TBC1D9: variants seen among roughly 807,000 people sequenced by gnomAD.
The protein encoded by TBC1D9 is TBC1 domain family member 9A.
Under a neutral mutation model 132.0 loss-of-function variants are expected in TBC1D9, and 63 were observed. The observed-to-expected ratio is 0.48, with a 90% CI of 0.39 to 0.59. The LOEUF is 0.59. Among genes scored for constraint, TBC1D9 ranks in the 20% least tolerant of loss-of-function variants. The pLI is 0.00. For synonymous variants in TBC1D9, 610 were observed against 609.9 expected (o/e 1.00, Z 0.00); for missense variants, 1,261 against 1,592.7 (o/e 0.79, Z 3.54).
At chr4:140,663,017 C>T (rs1578830464) in intron 9 of TBC1D9, among the ~76,000 whole-genome samples, 1 of 152,084 alleles carries the variant, frequency 6.6e-6, no homozygotes, top group South Asian at 2.1e-4. Flanking sequence ...CTGGATGTGA[C>T]ACCAATAGCA....
intron 2 of TBC1D9, among the ~76,000 whole-genome samples, chr4:140,700,162 A>T (rs1738042400): frequency 6.6e-6 from 1 of 151,850 alleles, no homozygotes; most frequent in Non-Finnish European, 1.5e-5. Flanking sequence ...AAAAAAAAAA[A>T]TAAAAGTCCA....
intron 1 of TBC1D9, among the ~76,000 whole-genome samples, chr4:140,734,654 G>C (rs1222909198): frequency 1.3e-5 from 2 of 152,082 alleles, no homozygotes; most frequent in Admixed American, 1.3e-4. Context: ...TAGTTATCAG[G>C]ATATGGTGGG....
Position 140,657,664 on chromosome 4 carries a change from A to G in TBC1D9, c.2070T>C (p.Ser690=). 6.2e-7 allele frequency: 1 copy of G among 1,614,020 alleles called. No homozygotes were observed. Among genetic ancestry groups the G allele is most frequent in the Non-Finnish European group, 8.5e-7 (1 of 1,179,898 alleles). The change falls in exon 12 of 21, where the codon AGT becomes AGC. Residue 690 remains serine, a synonymous_variant. Coordinates refer to ENST00000442267, the MANE Select transcript of TBC1D9 (RefSeq NM_015130.3). ...AGAAACAGTCAACAACCACAACTGCACTCTCAAAAGGCATCACACTGAGAA... is the reference window on the plus strand; with the variant it reads ...AGAAACAGTCAACAACCACAACTGCGCTCTCAAAAGGCATCACACTGAGAA... ...TLFLSVMPFE[S]AVVVVDCFFY...
chr4:140,673,167 CA>C (rs36085828), intron 6 of TBC1D9, among the ~76,000 whole-genome samples: 58,114 of 134,978 alleles, frequency 0.43, 12,177 homozygotes, highest in South Asian at 0.54. Context: ...GACCCCATAT[CA>C]AAAAAAAAAA....
chr4:140,737,175 G>C (rs984837630), intron 1 of TBC1D9, among the ~76,000 whole-genome samples: 40 of 152,162 alleles, frequency 2.6e-4, no homozygotes, highest in Admixed American at 2.6e-4. Flanking sequence ...AGGAGGCAGA[G>C]CTCAGGAAGT....
At chr4:140,732,923 C>T (rs1377738581) in intron 1 of TBC1D9, among the ~76,000 whole-genome samples, 1 of 152,128 alleles carries the variant, frequency 6.6e-6, no homozygotes. Flanking sequence ...ACAATACAAT[C>T]GCCACTATAA....
At chr4:140,656,991 G>C in intron 13 of TBC1D9, 106 bp downstream of exon 13, 1 of 1,359,168 alleles carries the variant, frequency 7.4e-7, no homozygotes. Context: ...ATAAATATCT[G>C]TTCTTTGCCC....
At chr4:140,678,879 A>G in intron 5 of TBC1D9, 63 bp downstream of exon 5, 8 of 1,562,680 alleles carry the variant, frequency 5.1e-6, no homozygotes, top group Non-Finnish European at 7.0e-6. Context: ...GTTACACTGA[A>G]TAAATGAATG....
At chr4:140,642,669 C>T in intron 13 of TBC1D9, 1 of 677,526 alleles carries the variant, frequency 1.5e-6, no homozygotes, top group African/African-American at 1.8e-5. Flanking sequence ...TGGTTCCTCT[C>T]CCTGGCTTTC....
chr4:140,622,396 G>A lies in TBC1D9; in HGVS notation c.3600C>T (p.Pro1200=). Reference sequence around the variant, plus strand: ...AGTCCCGGTCCAGGCTGGTGCTCCGGGGCAGTGCCGCCGTGCCCTGGCCGC... The same window carrying A: ...AGTCCCGGTCCAGGCTGGTGCTCCGAGGCAGTGCCGCCGTGCCCTGGCCGC... The part of the protein sequence containing the change: ...VRSGQGTAAL[P]RSTSLDRDWA... Residue 1200 remains proline (P), a synonymous_variant, in exon 21 of 21, where the codon CCC becomes CCT. Transcript: ENST00000442267. 1.9e-6 allele frequency: 3 copies of A among 1,612,914 alleles called. No individual in the cohort carries two copies. The highest frequency in any genetic ancestry group is 1.3e-5 in the African/African-American group (1 of 75,036).
intron 11 of TBC1D9, 107 bp downstream of exon 11, chr4:140,659,481 A>G (rs185716674): frequency 2.0e-5 from 14 of 702,584 alleles, no homozygotes; most frequent in Middle Eastern, 2.5e-4. Context: ...AGTAGTCTGA[A>G]ACTCTTTTGG....
chr4:140,694,556 G>A (rs1737922464), intron 2 of TBC1D9, among the ~76,000 whole-genome samples: 1 of 139,236 alleles, frequency 7.2e-6, no homozygotes, highest in Admixed American at 7.5e-5. Flanking sequence ...GGGCAACAGA[G>A]TAAGACCCTG....
chr4:140,738,945 G>A (rs1738717530), intron 1 of TBC1D9, among the ~76,000 whole-genome samples: 1 of 152,184 alleles, frequency 6.6e-6, no homozygotes, highest in Non-Finnish European at 1.5e-5. Flanking sequence ...AAACATGGGA[G>A]AAGGGAGAAG....
At chr4:140,701,456 C>T (rs1421486725) in intron 2 of TBC1D9, 48 bp downstream of exon 2, 2 of 1,453,466 alleles carry the variant, frequency 1.4e-6, no homozygotes, top group East Asian at 4.6e-5. Flanking sequence ...AGTTGTTAAC[C>T]CTAACGCTTC....
chr4:140,704,188 A>C (rs1292670206), intron 1 of TBC1D9, among the ~76,000 whole-genome samples: 1 of 152,100 alleles, frequency 6.6e-6, no homozygotes, highest in Non-Finnish European at 1.5e-5. Flanking sequence ...ACTTGAGGCC[A>C]GGAGTTCAAG....
chr4:140,746,572 TCA>T (rs1214321209), intron 1 of TBC1D9, among the ~76,000 whole-genome samples: 1 of 152,174 alleles, frequency 6.6e-6, no homozygotes, highest in Non-Finnish European at 1.5e-5. Context: ...TTTAATTGAC[TCA>T]CAGTTCCACA....
At position 140,736,249 on chromosome 4, in the gene TBC1D9, G is replaced by C. The variant is rs887619705; in HGVS notation, c.130+19667C>G. Among the ~76,000 whole-genome samples, 7 of 151,990 alleles carry C rather than the reference G, an allele frequency of 4.6e-5. No homozygotes were observed. The South Asian group carries it at 8.3e-4, about 18-fold the overall frequency. On this transcript the variant is annotated intron_variant, in intron 1 of 20. Coordinates refer to ENST00000442267, the MANE Select transcript of TBC1D9 (RefSeq NM_015130.3). ...GGTGAGATCAGATAAACAGATTAAA[G>C]TCAAAGGGCATCTGGACACGATGGC...
At position 140,676,772 on chromosome 4, in the gene TBC1D9, C is replaced by T. The variant is rs1253700756; in HGVS notation, c.1059+122G>A. 5.9e-6 allele frequency: 8 copies of T among 1,348,434 alleles called. No individual in the cohort carries two copies. The East Asian group carries it at 1.5e-4, about 25-fold the overall frequency. 83.5% of individuals were successfully genotyped at this position (1,348,434 alleles called of 1,614,324 possible). The stretch of plus-strand genomic sequence containing the variant: ...ACAAATGAAAGAATGCAGGTGCCAC[C>T]AAAGACGCATGAACATTCACCTGTG... On this transcript the variant is annotated intron_variant, in intron 6 of 20. Transcript: ENST00000442267.
At chr4:140,664,936 G>A (rs888438828) in intron 9 of TBC1D9, among the ~76,000 whole-genome samples, 1 of 151,838 alleles carries the variant, frequency 6.6e-6, no homozygotes, top group East Asian at 1.9e-4. Context: ...GTGAAACCCC[G>A]TGTCTACTGA....
Sources: gnomAD v4.1 joint callset for allele counts (sites outside exome capture counted in the v4.1 genomes callset) on GRCh38, gnomAD v4.1.1 for gene constraint, MANE v1.5 for transcripts, NCBI Gene and HGNC (gene_info 2026-07-23, HGNC 2026-07-21) for gene names.